Variants in HS6ST3 observed in about 807,000 individuals in gnomAD.
The protein encoded by HS6ST3 is heparan sulfate 6-O-sulfotransferase 3.
Under a neutral mutation model 36.7 loss-of-function variants are expected in HS6ST3, and 12 were observed. That is an observed-to-expected ratio of 0.33 (90% CI 0.21 to 0.53). HS6ST3 has a LOEUF of 0.53. Among genes scored for constraint, HS6ST3 ranks in the 20% least tolerant of loss-of-function variants. HS6ST3 has a pLI of 0.95. For synonymous variants in HS6ST3, 240 were observed against 257.5 expected, an observed-to-expected ratio of 0.93 and a Z score of 0.65; for missense variants, 584 against 640.9, an observed-to-expected ratio of 0.91 and a Z score of 0.96.
At chr13:96,444,333 A>G (rs1251193304) in intron 1 of HS6ST3, among the ~76,000 whole-genome samples, 1 of 152,232 alleles carries the variant, frequency 6.6e-6, no homozygotes, top group South Asian at 2.1e-4. Context: ...TCTATTTCAC[A>G]TGGCATGTAG....
intron 1 of HS6ST3, among the ~76,000 whole-genome samples, chr13:96,179,437 G>C (rs953847694): frequency 5.3e-5 from 8 of 152,106 alleles, no homozygotes; most frequent in African/African-American, 1.9e-4. Context: ...CACTCCTTGA[G>C]CTCATCACCT....
chr13:96,187,163 G>A lies in HS6ST3; in HGVS notation c.707+95594G>A, dbSNP rs543216169. Among the ~76,000 whole-genome samples the A allele has an allele frequency of 2.0e-5, 3 of 152,334 alleles. No individual in the cohort carries two copies. The East Asian group carries it at 5.8e-4, about 29-fold the overall frequency. On this transcript the variant is annotated intron_variant, in intron 1 of 1. Transcript: ENST00000376705. ...TGCAGGTAAAAAGAACACTCTTTGA[G>A]TCTGGGCTTTAGTGTGCCTTTGTAA...
chr13:96,621,194 T>A (rs987634088), intron 1 of HS6ST3, among the ~76,000 whole-genome samples: 4 of 152,248 alleles, frequency 2.6e-5, no homozygotes, highest in Non-Finnish European at 5.9e-5. Context: ...GAGGGAACCT[T>A]GATATGGTTT....
chr13:96,406,535 T>G (rs1337481661), intron 1 of HS6ST3, among the ~76,000 whole-genome samples: 1 of 152,236 alleles, frequency 6.6e-6, no homozygotes, highest in Non-Finnish European at 1.5e-5. Flanking sequence ...ATCATTTGCA[T>G]TTCACAACCA....
In HS6ST3 at chr13:96,180,398, A is replaced by G. The variant is rs73546994; in HGVS notation, c.707+88829A>G. Among the ~76,000 whole-genome samples, 792 of 152,264 alleles carry G rather than the reference A, an allele frequency of 5.2e-3. 10 individuals carry two copies. Among genetic ancestry groups the G allele is most frequent in the African/African-American group, 0.018 (749 of 41,542 alleles). On this transcript the variant is annotated intron_variant, in intron 1 of 1. Coordinates refer to ENST00000376705, the MANE Select transcript of HS6ST3 (RefSeq NM_153456.4). Reference sequence around the variant, plus strand: ...TCTGATCCTAGGAATTATTGTTAGAAATCTTCCACCTCAATTCCAAGTTTT... The same window carrying G: ...TCTGATCCTAGGAATTATTGTTAGAGATCTTCCACCTCAATTCCAAGTTTT...
chr13:96,768,930 A>G (rs1391133441), intron 1 of HS6ST3, among the ~76,000 whole-genome samples: 1 of 152,160 alleles, frequency 6.6e-6, no homozygotes, highest in African/African-American at 2.4e-5. Context: ...GCTAGACCCC[A>G]GAATGTAGCA....
chr13:96,424,893 C>G (rs1205815094), intron 1 of HS6ST3, among the ~76,000 whole-genome samples: 2 of 152,046 alleles, frequency 1.3e-5, no homozygotes, highest in Non-Finnish European at 2.9e-5. Flanking sequence ...GAGCAATATT[C>G]AAGATAGGTG....
At chr13:96,271,096 G>A (rs1271617324) in intron 1 of HS6ST3, among the ~76,000 whole-genome samples, 1 of 151,846 alleles carries the variant, frequency 6.6e-6, no homozygotes, top group Non-Finnish European at 1.5e-5. Flanking sequence ...GCTCTATGGG[G>A]GGAAGAAAAG....
chr13:96,292,113 A>G (rs2054832754), intron 1 of HS6ST3, among the ~76,000 whole-genome samples: 1 of 150,950 alleles, frequency 6.6e-6, no homozygotes, highest in Non-Finnish European at 1.5e-5. Flanking sequence ...TTTGTAAAAC[A>G]TGTGTTAACA....
intron 1 of HS6ST3, among the ~76,000 whole-genome samples, chr13:96,134,945 G>A (rs1021671458): frequency 2.0e-5 from 3 of 152,114 alleles, no homozygotes; most frequent in African/African-American, 7.2e-5. Context: ...TTGTATATTA[G>A]ACTCTGCACA....
At chr13:96,156,430 T>C (rs1228372343) in intron 1 of HS6ST3, among the ~76,000 whole-genome samples, 2 of 152,212 alleles carry the variant, frequency 1.3e-5, no homozygotes, top group African/African-American at 4.8e-5. Flanking sequence ...CGCAGCTGTA[T>C]GATTAGGTGA....
intron 1 of HS6ST3, among the ~76,000 whole-genome samples, chr13:96,225,227 C>A (rs556633747): frequency 3.9e-5 from 6 of 152,110 alleles, no homozygotes; most frequent in Non-Finnish European, 7.4e-5. Flanking sequence ...TCAAGTTTGG[C>A]CTAATTAAAT....
chr13:96,652,242 A>G (rs1377052153), intron 1 of HS6ST3, among the ~76,000 whole-genome samples: 1 of 152,122 alleles, frequency 6.6e-6, no homozygotes, highest in Non-Finnish European at 1.5e-5. Flanking sequence ...ACACACATAC[A>G]TAAACACACA....
rs186581061 is a variant in HS6ST3, at chr13:96,323,097, A to G, written c.707+231528A>G. 3.0e-3 allele frequency among the ~76,000 whole-genome samples: 463 copies of G among 152,074 alleles called. 6 individuals carry two copies. The highest frequency in any genetic ancestry group is 6.8e-3 in the Middle Eastern group (2 of 294). On this transcript the variant is annotated intron_variant, in intron 1 of 1. Coordinates refer to ENST00000376705, the MANE Select transcript of HS6ST3 (RefSeq NM_153456.4). ...CTCCATGCTCAGGACTCCAAATACTACCTATATTTTACACTTCCAAATCAA... is the reference window on the plus strand; with the variant it reads ...CTCCATGCTCAGGACTCCAAATACTGCCTATATTTTACACTTCCAAATCAA...
chr13:96,634,342 A>G lies in HS6ST3; in HGVS notation c.708-198148A>G, dbSNP rs191813604. Among the ~76,000 whole-genome samples, 17 of 152,298 alleles carry G rather than the reference A, an allele frequency of 1.1e-4. No individual in the cohort carries two copies. In the East Asian group the frequency reaches 3.1e-3, roughly 28 times the overall value. ...GCAAGGAGATGTGGAGAAGTCAGTC[A>G]GTAAAAGCTCACATCGGAATGGCTT... On this transcript the variant is annotated intron_variant, in intron 1 of 1. Transcript: ENST00000376705.
chr13:96,492,240 A>G lies in HS6ST3; in HGVS notation c.708-340250A>G, dbSNP rs545400507. ...TCTCTCTGCTTTTGCTGCTAAATTC[A>G]CCCATTCTGCAGACAGTGACACTCT... On this transcript the variant is annotated intron_variant, in intron 1 of 1. Transcript: ENST00000376705. Among the ~76,000 whole-genome samples the G allele has an allele frequency of 7.2e-5, 11 of 152,118 alleles. No homozygotes were observed. In the South Asian group the frequency reaches 1.5e-3, roughly 20 times the overall value.
At chr13:96,527,545 G>C (rs963938936) in intron 1 of HS6ST3, among the ~76,000 whole-genome samples, 2 of 152,202 alleles carry the variant, frequency 1.3e-5, no homozygotes, top group Non-Finnish European at 2.9e-5. Flanking sequence ...CAGAGTACGA[G>C]AATTTCCTGA....
chr13:96,091,222 G>A lies in HS6ST3; in HGVS notation c.360G>A (p.Leu120=), dbSNP rs1348039046. 1 of 1,578,680 alleles carries A rather than the reference G, an allele frequency of 6.3e-7. No individual in the cohort carries two copies. The highest frequency in any genetic ancestry group is 1.4e-5 in the African/African-American group (1 of 74,032). Residue 120 remains leucine (L), a synonymous_variant, in exon 1 of 2, where the codon CTG becomes CTA. Coordinates refer to ENST00000376705, the MANE Select transcript of HS6ST3 (RefSeq NM_153456.4). ...PDPEAPENGS[L]PRFVPRFNFS... Reference sequence around the variant, plus strand: ...CCGAGGCCCCGGAAAACGGCTCCCTGCCCCGATTCGTGCCGCGCTTCAACT... The same window carrying A: ...CCGAGGCCCCGGAAAACGGCTCCCTACCCCGATTCGTGCCGCGCTTCAACT...
intron 1 of HS6ST3, among the ~76,000 whole-genome samples, chr13:96,490,178 T>C (rs1293702410): frequency 1.3e-5 from 2 of 152,174 alleles, no homozygotes; most frequent in African/African-American, 4.8e-5. Flanking sequence ...TATTTTTGGA[T>C]TCGGCAGCAG....
Sources: gnomAD v4.1 joint callset for allele counts (sites outside exome capture counted in the v4.1 genomes callset) on GRCh38, gnomAD v4.1.1 for gene constraint, MANE v1.5 for transcripts, NCBI Gene and HGNC (gene_info 2026-07-23, HGNC 2026-07-21) for gene names.